Variants in DHX16 observed in about 807,000 individuals in gnomAD.
DHX16 encodes pre-mRNA-splicing factor ATP-dependent RNA helicase DHX16.
DHX16 carries 81 observed loss-of-function variants against 131.2 expected under a neutral mutation model. The observed-to-expected ratio is 0.62, with a 90% CI of 0.52 to 0.74. DHX16 has a LOEUF of 0.74. DHX16 is among the 30% of genes least tolerant of loss of function. The probability of loss-of-function intolerance (pLI) is 0.00; values close to 1 mark genes in which losing one functional copy is unlikely to be tolerated. For missense variants in DHX16, 980 were observed against 1,363.1 expected, an observed-to-expected ratio of 0.72 and a Z score of 4.43; for synonymous variants, 440 against 520.2, an observed-to-expected ratio of 0.85 and a Z score of 2.10.
At chr6:30,667,796 C>T (rs1769185056) in intron 4 of DHX16, among the ~76,000 whole-genome samples, 1 of 152,100 alleles carries the variant, frequency 6.6e-6, no homozygotes, top group Admixed American at 6.6e-5. Context: ...CCTGCCACAA[C>T]TGTTTAATCT....
chr6:30,659,450 A>T (rs1768274302), intron 12 of DHX16, 22 bp downstream of exon 12: 3 of 1,571,464 alleles, frequency 1.9e-6, no homozygotes, highest in East Asian at 2.3e-5. Context: ...AGGGGTGAAG[A>T]GTGTGGGTTT....
Position 30,670,796 on chromosome 6 carries a change from G to C in DHX16, c.603C>G (p.Asp201Glu), listed in dbSNP as rs767091502. ...ACATGCTGCTCCTATTCACCTTCTT[G>C]TCTGACCGTTCCAGGACATTTCGAG... ...DRTRNVLERS[D>E]KKAYEEAQKR... The change falls in exon 3 of 20, where the codon GAC (aspartate) becomes GAG (glutamate). Residue 201 changes from aspartate to glutamate, a missense_variant. By Grantham distance (45) the Asp-to-Glu change is conservative (BLOSUM62 2). Coordinates refer to ENST00000376442, the MANE Select transcript of DHX16 (RefSeq NM_003587.5). The surrounding 1 kb of genome is among the most constrained non-coding windows in gnomAD (Gnocchi z 4.4). 11 of 1,612,910 alleles carry C rather than the reference G, an allele frequency of 6.8e-6. No individual in the cohort carries two copies. In the South Asian group the frequency reaches 1.2e-4, roughly 18 times the overall value.
chr6:30,663,008 T>G lies in DHX16; in HGVS notation c.1331A>C (p.Lys444Thr). Residue 444 changes from lysine to threonine, a missense_variant, in exon 8 of 20, where the codon AAG becomes ACG. Around this residue, in one of 3 missense-constraint regions of DHX16, gnomAD observed 309 missense variants for 537.1 expected, o/e 0.58. Coordinates refer to ENST00000376442, the MANE Select transcript of DHX16 (RefSeq NM_003587.5). ...QYLFEEGYTN[K>T]GMKIACTQPR... ...TTGGGTGCAGGCAATCTTCATACCCTTGTTTGTATAACCCTGAATGACAAA... is the reference window on the plus strand; with the variant it reads ...TTGGGTGCAGGCAATCTTCATACCCGTGTTTGTATAACCCTGAATGACAAA... 6.2e-7 allele frequency: 1 copy of G among 1,613,160 alleles called. No homozygotes were observed. The highest frequency in any genetic ancestry group is 8.5e-7 in the Non-Finnish European group (1 of 1,179,846).
intron 4 of DHX16, among the ~76,000 whole-genome samples, chr6:30,666,713 C>G (rs528600842): frequency 6.6e-6 from 1 of 152,264 alleles, no homozygotes; most frequent in African/African-American, 2.4e-5. Context: ...GAGGCTGAGG[C>G]AGGAGAATCA....
Position 30,670,659 on chromosome 6 carries a change from A to C in DHX16, c.609+131T>G. The C allele has an allele frequency of 7.4e-7, 1 of 1,356,010 alleles. No individual in the cohort carries two copies. The highest frequency in any genetic ancestry group is 1.0e-6 in the Non-Finnish European group (1 of 981,030). 84.0% of individuals were successfully genotyped at this position (1,356,010 alleles called of 1,614,324 possible). ...CCACAGGATGCACAGGGCTTCTCTC[A>C]CCACAGAGGTGAACATCTCACTAGA... On this transcript the variant is annotated intron_variant, in intron 3 of 19. Transcript: ENST00000376442. This position sits in a 1 kb window ranked among gnomAD's most constrained non-coding sequence, Gnocchi z 4.4.
In DHX16 at chr6:30,662,174, G is replaced by C. The variant is rs149806551; in HGVS notation, c.1544+453C>G. On this transcript the variant is annotated intron_variant, in intron 9 of 19. Coordinates refer to ENST00000376442, the MANE Select transcript of DHX16 (RefSeq NM_003587.5). The surrounding 1 kb of genome is among the most constrained non-coding windows in gnomAD (Gnocchi z 4.7). ...CAGGCCCTGCAATCTCCACCACTCT[G>C]AGGGTTACTCAGCCATTGGTATTGA... Among the ~76,000 whole-genome samples, 2 of 149,334 alleles carry C rather than the reference G, an allele frequency of 1.3e-5. No individual in the cohort carries two copies. The highest frequency in any genetic ancestry group is 4.9e-5 in the African/African-American group (2 of 40,426).
Position 30,662,098 on chromosome 6 carries a change from G to A in DHX16, c.1544+529C>T. Reference sequence around the variant, plus strand: ...TAAGAGCTCATTATTCACAGACCAAGCTACCCAAGACTTGTGTGGAGGGCC... The same window carrying A: ...TAAGAGCTCATTATTCACAGACCAAACTACCCAAGACTTGTGTGGAGGGCC... On this transcript the variant is annotated intron_variant, in intron 9 of 19. Transcript: ENST00000376442. This position sits in a 1 kb window ranked among gnomAD's most constrained non-coding sequence, Gnocchi z 4.7. 1 of 540,582 alleles carries A rather than the reference G, an allele frequency of 1.8e-6. No homozygotes were observed. The highest frequency in any genetic ancestry group is 3.3e-6 in the Non-Finnish European group (1 of 299,056). The allele number at this position is 540,582 out of a possible 1,614,324, so 33.5% of individuals were successfully genotyped here.
chr6:30,670,475 A>G lies in DHX16; in HGVS notation c.610-9T>C, dbSNP rs775357157. The G allele has an allele frequency of 6.2e-7, 1 of 1,610,552 alleles. No homozygotes were observed. Among genetic ancestry groups the G allele is most frequent in the Admixed American group, 1.7e-5 (1 of 59,858 alleles). Reference sequence around the variant, plus strand: ...TGAGCCTCTTCATAAGCCTAGAAGAAAAAACAAGAATGGAGGGGTGTGAGG... The same window carrying G: ...TGAGCCTCTTCATAAGCCTAGAAGAGAAAACAAGAATGGAGGGGTGTGAGG... On this transcript the variant is annotated splice_polypyrimidine_tract_variant and intron_variant, in intron 3 of 19. Coordinates refer to ENST00000376442, the MANE Select transcript of DHX16 (RefSeq NM_003587.5). The surrounding 1 kb of genome is among the most constrained non-coding windows in gnomAD (Gnocchi z 4.4).
chr6:30,655,415 A>C lies in DHX16; in HGVS notation c.2661+20T>G. 6.2e-7 allele frequency: 1 copy of C among 1,614,006 alleles called. No individual in the cohort carries two copies. The highest frequency in any genetic ancestry group is 8.5e-7 in the Non-Finnish European group (1 of 1,179,992). ...AAGTCCCCCAGTGTCTCTCATTCCC[A>C]CTCACCCAAGCCCAGTGACCTGTGT... On this transcript the variant is annotated intron_variant, in intron 17 of 19. Transcript: ENST00000376442.
Position 30,662,688 on chromosome 6 carries a change from A to G in DHX16, c.1483T>C (p.Tyr495His). The G allele has an allele frequency of 1.2e-6, 2 of 1,613,120 alleles. No individual in the cohort carries two copies. Among genetic ancestry groups the G allele is most frequent in the Non-Finnish European group, 1.7e-6 (2 of 1,180,034 alleles). The change falls in exon 9 of 20, where the codon TAC (tyrosine) becomes CAC (histidine). Residue 495 changes from tyrosine (Y) to histidine (H), a missense_variant. Physicochemically the swap from Tyr to His is moderately conservative, Grantham distance 83. Transcript: ENST00000376442. This position sits in a 1 kb window ranked among gnomAD's most constrained non-coding sequence, Gnocchi z 4.7. Reference protein sequence around the residue: ...DCTSERTVLRYMTDGMLLREF... With the variant: ...DCTSERTVLRHMTDGMLLREF... ...CGGAGAAGCATCCCATCTGTCATGT[A>G]GCGGAGGACAGTTCGCTCTGATGTG... is the stretch of plus-strand genomic sequence containing the variant.
In DHX16 at chr6:30,656,991, G is replaced by A; in HGVS notation, c.2109C>T (p.Arg703=). The change falls in exon 13 of 20, where the codon CGC becomes CGT. Residue 703 remains arginine (R), a synonymous_variant. Coordinates refer to ENST00000376442, the MANE Select transcript of DHX16 (RefSeq NM_003587.5). This position sits in a 1 kb window ranked among gnomAD's most constrained non-coding sequence, Gnocchi z 5.1. ...TGACAGTGAGCGATTCCATGCCTGT[G>A]CGGGGGTTGTAGCTCTTCTGCTTAC... The part of the protein sequence containing the change: ...GFCKQKSYNP[R]TGMESLTVTP... The A allele has an allele frequency of 6.2e-7, 1 of 1,613,022 alleles. No homozygotes were observed. The highest frequency in any genetic ancestry group is 8.5e-7 in the Non-Finnish European group (1 of 1,180,004).
rs1421006498 is a variant in DHX16, at chr6:30,660,062, G to A, written c.1725C>T (p.Arg575=). 6.2e-7 allele frequency: 1 copy of A among 1,612,864 alleles called. No individual in the cohort carries two copies. The highest frequency in any genetic ancestry group is 1.3e-5 in the African/African-American group (1 of 75,034). ...TGTAGAAGATGTCCACAGGAAACCT[G>A]CGTCCGGGGATTCGAAACACAGGGG... The part of the protein sequence containing the change: ...DDAPVFRIPG[R]RFPVDIFYTK... The change falls in exon 10 of 20, where the codon CGC becomes CGT. Residue 575 remains arginine (R), a synonymous_variant. Coordinates refer to ENST00000376442, the MANE Select transcript of DHX16 (RefSeq NM_003587.5).
chr6:30,654,921 C>T (rs748428639), intron 18 of DHX16, 42 bp from the exon 19 acceptor site: 1 of 1,581,932 alleles, frequency 6.3e-7, no homozygotes, highest in Non-Finnish European at 8.6e-7. Context: ...AAAAGGCAGA[C>T]ATCTGGGGAC....
rs1767981327 is a variant in DHX16 at position 30,656,354 on chromosome 6, A to AG, written c.2430+36_2430+37insC. ...GGTCCCTGGAGCCATCCTGACCCCT[A>AG]TCATCCTGCCTCCACCCATGCTGTC... On this transcript the variant is annotated intron_variant, in intron 15 of 19. Transcript: ENST00000376442. This position sits in a 1 kb window ranked among gnomAD's most constrained non-coding sequence, Gnocchi z 5.1. The AG allele has an allele frequency of 6.2e-7, 1 of 1,610,398 alleles. No homozygotes were observed. The highest frequency in any genetic ancestry group is 1.3e-5 in the African/African-American group (1 of 74,810).
intron 12 of DHX16, 80 bp from the exon 13 acceptor site, chr6:30,657,172 T>C (rs1768066628): frequency 6.8e-7 from 1 of 1,466,534 alleles, no homozygotes; most frequent in African/African-American, 1.4e-5. Context: ...AAGTTAGGAG[T>C]AGTGAAGCAG....
intron 9 of DHX16, 155 bp from the exon 10 acceptor site, chr6:30,660,397 T>C (rs766174145): frequency 5.6e-5 from 31 of 558,180 alleles, no homozygotes; most frequent in Admixed American, 1.1e-4. Context: ...CCATCCCACT[T>C]ATGTAGAGCA....
In DHX16 at chr6:30,670,421, G is replaced by C; in HGVS notation, c.655C>G (p.Arg219Gly). The C allele has an allele frequency of 1.9e-6, 3 of 1,610,528 alleles. No individual in the cohort carries two copies. The South Asian group carries it at 3.3e-5, about 18-fold the overall frequency. Residue 219 changes from arginine to glycine, a missense_variant, in exon 4 of 20, where the codon CGG becomes GGG. Coordinates refer to ENST00000376442, the MANE Select transcript of DHX16 (RefSeq NM_003587.5). The surrounding 1 kb of genome is among the most constrained non-coding windows in gnomAD (Gnocchi z 4.4). ...GCCCTGGGACTCACCATGGCCTTCC[G>C]GTCTTCCTCGGCCATCTTGAGGCGC... ...QKRLKMAEED[R>G]KAMVPELRKK...
intron 12 of DHX16, among the ~76,000 whole-genome samples, chr6:30,657,705 A>G (rs1382358672): frequency 1.3e-5 from 2 of 152,094 alleles, no homozygotes; most frequent in African/African-American, 4.8e-5. Flanking sequence ...TGCATCAGCT[A>G]TTCCCTCTGT....
rs1326556771 is a variant in DHX16, at chr6:30,665,687, C to T, written c.713G>A (p.Arg238Gln). Residue 238 changes from arginine (R) to glutamine (Q), a missense_variant, in exon 5 of 20, where the codon CGG becomes CAG. By Grantham distance (43) the Arg-to-Gln change is conservative. Transcript: ENST00000376442. The surrounding 1 kb of genome is among the most constrained non-coding windows in gnomAD (Gnocchi z 4.8). Reference sequence around the variant, plus strand: ...CAGGTCCTCAAGCTTCTCTCGCTCCCGCTTAGCCAGGTACTCTCGGCGAGA... The same window carrying T: ...CAGGTCCTCAAGCTTCTCTCGCTCCTGCTTAGCCAGGTACTCTCGGCGAGA... ...KKSRREYLAK[R>Q]EREKLEDLEA... is the part of the protein sequence containing the mutation. 2 of 1,612,142 alleles carry T rather than the reference C, an allele frequency of 1.2e-6. No homozygotes were observed. Among genetic ancestry groups the T allele is most frequent in the African/African-American group, 1.3e-5 (1 of 74,940 alleles).
Sources: gnomAD v4.1 joint callset for allele counts (sites outside exome capture counted in the v4.1 genomes callset) on GRCh38, gnomAD v4.1.1 for gene constraint, gnomAD v4.1.1 regional missense constraint, Gnocchi (gnomAD v3.1) non-coding constraint, MANE v1.5 for transcripts, NCBI Gene and HGNC (gene_info 2026-07-23, HGNC 2026-07-21) for gene names.